Variants in GRID1 observed in about 807,000 individuals in gnomAD.
The protein encoded by GRID1 is glutamate ionotropic receptor delta type subunit 1, also known as glutamate receptor ionotropic, delta-1.
Under a neutral mutation model 98.0 loss-of-function variants are expected in GRID1, and 28 were observed. That is an observed-to-expected ratio of 0.29 (90% CI 0.21 to 0.39). The LOEUF is 0.39. Among genes scored for constraint, GRID1 ranks in the 10% least tolerant of loss-of-function variants. GRID1 has a pLI of 1.00. For missense variants in GRID1, 1,111 were observed against 1,340.5 expected (o/e 0.83, Z 2.67); for synonymous variants, 553 against 538.5 (o/e 1.03, Z -0.37).
Position 85,838,334 on chromosome 10 carries a change from A to G in GRID1, c.1233+16162T>C, listed in dbSNP as rs756269121. ...GAACCCCAGTCAGATAGTTCACAAG[A>G]AGATCATCCCCAATACACATAATCA... is the stretch of plus-strand genomic sequence containing the variant. On this transcript the variant is annotated intron_variant, in intron 8 of 15. Coordinates refer to ENST00000327946, the MANE Select transcript of GRID1 (RefSeq NM_017551.3). 3.4e-4 allele frequency among the ~76,000 whole-genome samples: 52 copies of G among 151,764 alleles called. 1 individual carries two copies. Among genetic ancestry groups the G allele is most frequent in the Admixed American group, 1.3e-3 (20 of 15,276 alleles).
chr10:85,907,114 G>T (rs1841472539), intron 5 of GRID1, among the ~76,000 whole-genome samples: 1 of 152,068 alleles, frequency 6.6e-6, no homozygotes. Flanking sequence ...TTTTTTGTTT[G>T]TTTTGTTTTG....
At chr10:86,244,258 T>C (rs1249916175) in intron 2 of GRID1, among the ~76,000 whole-genome samples, 1 of 152,190 alleles carries the variant, frequency 6.6e-6, no homozygotes, top group Non-Finnish European at 1.5e-5. Context: ...GGTGGGACAG[T>C]GGCACAGAGG....
chr10:86,332,942 G>T (rs996464536), intron 2 of GRID1, among the ~76,000 whole-genome samples: 1 of 152,120 alleles, frequency 6.6e-6, no homozygotes, highest in Admixed American at 6.5e-5. Flanking sequence ...TGCACCATCA[G>T]CCTGTCCAGC....
chr10:86,283,612 G>A (rs1847386638), intron 2 of GRID1, among the ~76,000 whole-genome samples: 1 of 149,264 alleles, frequency 6.7e-6, no homozygotes, highest in African/African-American at 2.5e-5. Context: ...CAAATAAGGT[G>A]TGTACCTGCA....
At chr10:85,796,117 C>A (rs576730531) in intron 8 of GRID1, among the ~76,000 whole-genome samples, 15 of 152,136 alleles carry the variant, frequency 9.9e-5, no homozygotes, top group African/African-American at 2.7e-4. Flanking sequence ...ATGACAAGGA[C>A]AAGGGGAATG....
At chr10:85,727,528 G>A (rs1841773968) in intron 10 of GRID1, among the ~76,000 whole-genome samples, 1 of 152,166 alleles carries the variant, frequency 6.6e-6, no homozygotes, top group Admixed American at 6.5e-5. Flanking sequence ...AGTACCCCTG[G>A]TGGGAACTAG....
At chr10:86,123,518 C>T (rs753884222) in intron 4 of GRID1, among the ~76,000 whole-genome samples, 4 of 152,190 alleles carry the variant, frequency 2.6e-5, no homozygotes, top group Non-Finnish European at 4.4e-5. Context: ...ACTGGCATCC[C>T]TGATTTGTTT....
At chr10:86,200,636 T>C (rs889399117) in intron 3 of GRID1, among the ~76,000 whole-genome samples, 1 of 152,054 alleles carries the variant, frequency 6.6e-6, no homozygotes, top group Non-Finnish European at 1.5e-5. Flanking sequence ...GAGCTAGCCA[T>C]AAAAAAAGAT....
chr10:85,727,964 G>A lies in GRID1; in HGVS notation c.1424C>T (p.Ala475Val), dbSNP rs758334186. 5 of 1,613,650 alleles carry A rather than the reference G, an allele frequency of 3.1e-6. No homozygotes were observed. Among genetic ancestry groups the A allele is most frequent in the Non-Finnish European group, 4.2e-6 (5 of 1,179,610 alleles). Residue 475 changes from alanine to valine, a missense_variant, in exon 10 of 16, where the codon GCC becomes GTC. Transcript: ENST00000327946. ...CTCATATTTAAAGCCCAGAGCCTTGGCCAGTGCATCCAGGACATCTATGGA... is the reference window on the plus strand; with the variant it reads ...CTCATATTTAAAGCCCAGAGCCTTGACCAGTGCATCCAGGACATCTATGGA... ...GFSIDVLDALAKALGFKYEIY... is the reference protein window; with the variant it reads ...GFSIDVLDALVKALGFKYEIY...
intron 3 of GRID1, among the ~76,000 whole-genome samples, chr10:86,165,350 A>G (rs1845383629): frequency 6.6e-6 from 1 of 152,192 alleles, no homozygotes; most frequent in Admixed American, 6.5e-5. Context: ...TTTCTGGAGG[A>G]AAATGCCTGA....
chr10:86,272,402 C>T (rs1847198916), intron 2 of GRID1, among the ~76,000 whole-genome samples: 1 of 152,180 alleles, frequency 6.6e-6, no homozygotes, highest in Admixed American at 6.5e-5. Flanking sequence ...TTTACTTGCC[C>T]ATGCCCCATC....
chr10:86,297,049 T>C lies in GRID1; in HGVS notation c.235+66892A>G, dbSNP rs182868984. Among the ~76,000 whole-genome samples, 61 of 152,332 alleles carry C rather than the reference T, an allele frequency of 4.0e-4. 1 individual carries two copies. Among genetic ancestry groups the C allele is most frequent in the African/African-American group, 1.4e-3 (57 of 41,580 alleles). ...AAATAACTGTTCCCAGATGGGACTT[T>C]ATGTTATAAAGATGTTACTTTCCCA... On this transcript the variant is annotated intron_variant, in intron 2 of 15. Transcript: ENST00000327946.
rs1842561509 is a variant in GRID1, at chr10:85,600,671, A to G, written c.*1602T>C. 1 of 152,188 alleles carries G rather than the reference A, an allele frequency of 6.6e-6. No homozygotes were observed. Among genetic ancestry groups the G allele is most frequent in the Non-Finnish European group, 1.5e-5 (1 of 68,044 alleles). 9.4% of individuals were successfully genotyped at this position (152,188 alleles called of 1,614,324 possible). On this transcript the variant is annotated 3_prime_UTR_variant, in exon 16 of 16. Transcript: ENST00000327946. ...GGAGATCAGACTAACCTTTGTCTTT[A>G]GGAGAGGAACTGAAGTGACACAACT...
At chr10:85,608,733 G>T (rs1842700370) in intron 15 of GRID1, among the ~76,000 whole-genome samples, 1 of 152,176 alleles carries the variant, frequency 6.6e-6, no homozygotes, top group South Asian at 2.1e-4. Context: ...AGCATACCCA[G>T]CAAGGGGGGC....
chr10:86,109,547 T>C (rs1844445029), intron 4 of GRID1, among the ~76,000 whole-genome samples: 1 of 152,232 alleles, frequency 6.6e-6, no homozygotes, highest in Non-Finnish European at 1.5e-5. Context: ...ACACATTGCT[T>C]TGTGCCAGGT....
Position 85,881,638 on chromosome 10 carries a change from G to A in GRID1, c.781-12458C>T, listed in dbSNP as rs986354950. Among the ~76,000 whole-genome samples the A allele has an allele frequency of 5.2e-3, 785 of 152,270 alleles. 3 individuals carry two copies. Among genetic ancestry groups the A allele is most frequent in the African/African-American group, 0.018 (741 of 41,530 alleles). On this transcript the variant is annotated intron_variant, in intron 5 of 15. Coordinates refer to ENST00000327946, the MANE Select transcript of GRID1 (RefSeq NM_017551.3). Reference sequence around the variant, plus strand: ...AAAAATTAATTCAAGATGGATTAAAGACTTAAATGTTAGACCTAAAACCAT... The same window carrying A: ...AAAAATTAATTCAAGATGGATTAAAAACTTAAATGTTAGACCTAAAACCAT...
At chr10:85,934,837 C>T (rs1841905326) in intron 4 of GRID1, among the ~76,000 whole-genome samples, 1 of 152,168 alleles carries the variant, frequency 6.6e-6, no homozygotes, top group Non-Finnish European at 1.5e-5. Context: ...CCTCCTGCCT[C>T]TTCAGGAGCA....
In GRID1 at chr10:86,195,398, C is replaced by T. The variant is rs546746811; in HGVS notation, c.520+10966G>A. On this transcript the variant is annotated intron_variant, in intron 3 of 15. Coordinates refer to ENST00000327946, the MANE Select transcript of GRID1 (RefSeq NM_017551.3). The surrounding 1 kb of genome is among the most constrained non-coding windows in gnomAD (Gnocchi z 4.4). ...CTGTAACCTGTGGCTGCCAGAATAG[C>T]ATGACCACAGCCGTCCTTGGCACCT... is the stretch of plus-strand genomic sequence containing the variant. Among the ~76,000 whole-genome samples, 4 of 152,120 alleles carry T rather than the reference C, an allele frequency of 2.6e-5. No homozygotes were observed. Among genetic ancestry groups the T allele is most frequent in the African/African-American group, 9.6e-5 (4 of 41,454 alleles).
intron 8 of GRID1, among the ~76,000 whole-genome samples, chr10:85,736,780 A>T (rs957978080): frequency 6.6e-6 from 1 of 152,206 alleles, no homozygotes; most frequent in Non-Finnish European, 1.5e-5. Flanking sequence ...TGATTTGGAC[A>T]TTCGGCCAGC....
Sources: gnomAD v4.1 joint callset for allele counts (sites outside exome capture counted in the v4.1 genomes callset) on GRCh38, gnomAD v4.1.1 for gene constraint, Gnocchi (gnomAD v3.1) non-coding constraint, MANE v1.5 for transcripts, NCBI Gene and HGNC (gene_info 2026-07-23, HGNC 2026-07-21) for gene names.